VAV2: variants seen among roughly 807,000 people sequenced by gnomAD.
VAV2 encodes the protein vav guanine nucleotide exchange factor 2.
In VAV2, 67 loss-of-function variants were observed where a neutral mutation model predicts 132.5. The observed-to-expected ratio is 0.51, with a 90% CI of 0.42 to 0.62. The LOEUF (loss-of-function observed/expected upper bound fraction) is 0.62. Among genes scored for constraint, VAV2 ranks in the 20% least tolerant of loss-of-function variants. VAV2 has a pLI of 0.00. For missense variants in VAV2, 938 were observed against 1,153.6 expected (o/e 0.81, Z 2.71); for synonymous variants, 492 against 443.5 (o/e 1.11, Z -1.37).
chr9:133,790,711 A>G (rs1834420731), intron 13 of VAV2, among the ~76,000 whole-genome samples: 1 of 152,014 alleles, frequency 6.6e-6, no homozygotes, highest in Non-Finnish European at 1.5e-5. Flanking sequence ...AGGGGGCAGT[A>G]TCATAATGCC....
At chr9:133,819,638 C>G (rs928798158) in intron 4 of VAV2, among the ~76,000 whole-genome samples, 3 of 152,170 alleles carry the variant, frequency 2.0e-5, no homozygotes, top group Admixed American at 6.5e-5. Context: ...GCCTGCCACA[C>G]CCTTAGGCTC....
At chr9:133,835,334 C>T (rs1836426858) in intron 3 of VAV2, among the ~76,000 whole-genome samples, 1 of 151,792 alleles carries the variant, frequency 6.6e-6, no homozygotes, top group South Asian at 2.1e-4. Context: ...TAAGGCGAGC[C>T]CAGGCCAGCA....
rs553387857 is a variant in VAV2, at chr9:133,919,073, G to T, written c.321+20030C>A. Among the ~76,000 whole-genome samples the T allele has an allele frequency of 6.6e-6, 1 of 151,898 alleles. No homozygotes were observed. The highest frequency in any genetic ancestry group is 2.4e-5 in the African/African-American group (1 of 41,350). ...CAGGTGAGAGCTACCACCCCCGGCC[G>T]CCACCATGTTTTTAAAGACTTCCCC... is the stretch of plus-strand genomic sequence containing the variant. On this transcript the variant is annotated intron_variant, in intron 2 of 29. Transcript: ENST00000371850. The surrounding 1 kb of genome is among the most constrained non-coding windows in gnomAD (Gnocchi z 5.8).
chr9:133,953,087 C>T lies in VAV2; in HGVS notation c.205-13868G>A, dbSNP rs546272912. Among the ~76,000 whole-genome samples, 16 of 152,270 alleles carry T rather than the reference C, an allele frequency of 1.1e-4. No homozygotes were observed. In the South Asian group the frequency reaches 2.1e-3, roughly 20 times the overall value. On this transcript the variant is annotated intron_variant, in intron 1 of 29. Coordinates refer to ENST00000371850, the MANE Select transcript of VAV2 (RefSeq NM_001134398.2). ...GCACGGCCCCACTGACACCTAGAAC[C>T]TGGAGGGAGCACAGCCTGCCAACAT...
chr9:133,838,457 A>G (rs1251434774), intron 3 of VAV2, among the ~76,000 whole-genome samples: 4 of 73,950 alleles, frequency 5.4e-5, no homozygotes, highest in East Asian at 1.0e-3. Context: ...GTGGGTAAGT[A>G]GGTGGGTGGG....
intron 2 of VAV2, among the ~76,000 whole-genome samples, chr9:133,894,817 C>T (rs952310215): frequency 2.6e-5 from 4 of 152,188 alleles, no homozygotes; most frequent in African/African-American, 9.7e-5. Context: ...GAAACAGCAG[C>T]CTGTCCCCCA....
intron 9 of VAV2, among the ~76,000 whole-genome samples, chr9:133,803,451 G>C (rs1357978485): frequency 6.6e-6 from 1 of 151,822 alleles, no homozygotes; most frequent in Admixed American, 6.6e-5. Flanking sequence ...TGGACTCCAG[G>C]CCCAGCCTGG....
intron 1 of VAV2, among the ~76,000 whole-genome samples, chr9:133,964,021 T>TCATATGTA (rs777969034): frequency 0.022 from 550 of 25,260 alleles, 37 homozygotes; most frequent in South Asian, 0.028. Context: ...AATTATTCAT[T>TCATATGTA]CATATATATA....
At chr9:133,893,624 G>A (rs942010392) in intron 2 of VAV2, among the ~76,000 whole-genome samples, 3 of 152,180 alleles carry the variant, frequency 2.0e-5, no homozygotes, top group Non-Finnish European at 4.4e-5. Flanking sequence ...GGAAGTCAAC[G>A]GTGCCTGCAG....
chr9:133,824,148 C>T lies in VAV2; in HGVS notation c.449+10124G>A, dbSNP rs1037626051. The stretch of plus-strand genomic sequence containing the variant: ...TGAAAGTGTGGGGCTCTCATCCCAA[C>T]GAGCTGCGGTCTCCACAGCCAGCCC... On this transcript the variant is annotated intron_variant, in intron 4 of 29. Coordinates refer to ENST00000371850, the MANE Select transcript of VAV2 (RefSeq NM_001134398.2). The surrounding 1 kb of genome is among the most constrained non-coding windows in gnomAD (Gnocchi z 5.2). 3.9e-5 allele frequency among the ~76,000 whole-genome samples: 6 copies of T among 152,078 alleles called. No homozygotes were observed. Among genetic ancestry groups the T allele is most frequent in the African/African-American group, 1.2e-4 (5 of 41,398 alleles).
chr9:133,855,461 C>T (rs1435250347), intron 3 of VAV2, among the ~76,000 whole-genome samples: 4 of 152,224 alleles, frequency 2.6e-5, no homozygotes, highest in African/African-American at 4.8e-5. Context: ...CAGCAAGGCA[C>T]GGGGTTCCAG....
chr9:133,913,450 T>C (rs767129838), intron 2 of VAV2, among the ~76,000 whole-genome samples: 13 of 152,070 alleles, frequency 8.5e-5, no homozygotes, highest in Non-Finnish European at 1.8e-4. Context: ...GGTGCCCCAC[T>C]CCGGAGGCTT....
chr9:133,987,494 G>C (rs150746884), intron 1 of VAV2, among the ~76,000 whole-genome samples: 4 of 152,256 alleles, frequency 2.6e-5, no homozygotes, highest in Non-Finnish European at 1.5e-5. Context: ...GGCCCGGAGG[G>C]GGGGATGCCA....
rs531378629 is a variant in VAV2 at position 133,909,257 on chromosome 9, G to C, written c.321+29846C>G. 6.6e-5 allele frequency among the ~76,000 whole-genome samples: 10 copies of C among 152,118 alleles called. No individual in the cohort carries two copies. The East Asian group carries it at 9.7e-4, about 15-fold the overall frequency. ...TTTGGTCTCATTGCCTCCTCAGAAG[G>C]GGGGTGAAGATGTGAGCGGCCTCCC... On this transcript the variant is annotated intron_variant, in intron 2 of 29. Transcript: ENST00000371850.
At chr9:133,791,416 GC>G (rs1458127271) in intron 13 of VAV2, among the ~76,000 whole-genome samples, 10 of 152,274 alleles carry the variant, frequency 6.6e-5, no homozygotes, top group African/African-American at 2.4e-4. Context: ...GAACCAGGGG[GC>G]GTCTCCTGCC....
chr9:133,881,004 G>A (rs1425996836), intron 2 of VAV2, among the ~76,000 whole-genome samples: 2 of 152,194 alleles, frequency 1.3e-5, no homozygotes, highest in East Asian at 1.9e-4. Flanking sequence ...GCTCCCGGGG[G>A]CAGCAACACC....
At chr9:133,931,688 G>A (rs1479906494) in intron 2 of VAV2, among the ~76,000 whole-genome samples, 1 of 152,214 alleles carries the variant, frequency 6.6e-6, no homozygotes, top group Non-Finnish European at 1.5e-5. Context: ...AGCTGCCTGT[G>A]ACCCGGTGCC....
intron 3 of VAV2, 160 bp downstream of exon 3, chr9:133,861,214 C>G: frequency 1.4e-6 from 1 of 696,046 alleles, no homozygotes. Context: ...CACACCCCTT[C>G]CTGCAGCCGC....
chr9:133,829,766 A>G (rs201090524), intron 4 of VAV2, among the ~76,000 whole-genome samples: 50 of 152,282 alleles, frequency 3.3e-4, no homozygotes, highest in East Asian at 1.9e-3. Flanking sequence ...TGCTGGGATT[A>G]CAGGTGTAAG....
Sources: gnomAD v4.1 joint callset for allele counts (sites outside exome capture counted in the v4.1 genomes callset) on GRCh38, gnomAD v4.1.1 for gene constraint, Gnocchi (gnomAD v3.1) non-coding constraint, MANE v1.5 for transcripts, NCBI Gene and HGNC (gene_info 2026-07-23, HGNC 2026-07-21) for gene names.